Variants in ABAT observed in about 807,000 individuals in gnomAD.
ABAT encodes 4-aminobutyrate aminotransferase.
ABAT carries 45 observed loss-of-function variants against 64.6 expected under a neutral mutation model. The observed-to-expected ratio is 0.70, with a 90% CI of 0.55 to 0.89. ABAT has a LOEUF of 0.89. Ranked by LOEUF, ABAT falls within the 40% of genes least tolerant of loss-of-function variation. ABAT has a pLI of 0.00. For synonymous variants in ABAT, 297 were observed against 250.5 expected (o/e 1.19, Z -1.75); for missense variants, 633 against 658.4 (o/e 0.96, Z 0.42).
At chr16:8,676,504 G>A (rs1041697096) in intron 1 of ABAT, among the ~76,000 whole-genome samples, 7 of 152,200 alleles carry the variant, frequency 4.6e-5, no homozygotes, top group Non-Finnish European at 1.0e-4. Context: ...AAGGGGCAGA[G>A]CTGGAACTCA....
chr16:8,720,714 T>C (rs2058344640), intron 1 of ABAT: 1 of 152,278 alleles, frequency 6.6e-6, no homozygotes, highest in African/African-American at 2.4e-5. Context: ...GCTGAGTGTG[T>C]CTTTGTGTCC....
At chr16:8,771,464 CT>C (rs1207440161) in intron 11 of ABAT, among the ~76,000 whole-genome samples, 6 of 108,456 alleles carry the variant, frequency 5.5e-5, no homozygotes, top group African/African-American at 1.6e-4. Context: ...TAGGGTTTTT[CT>C]TTCTTTTTTT....
chr16:8,690,639 C>A (rs12596289), intron 1 of ABAT, among the ~76,000 whole-genome samples: 1 of 152,106 alleles, frequency 6.6e-6, no homozygotes, highest in African/African-American at 2.4e-5. Flanking sequence ...GATCTAAGAC[C>A]CTCATCTCAT....
chr16:8,762,927 C>T (rs909234242), intron 6 of ABAT, among the ~76,000 whole-genome samples: 2 of 151,812 alleles, frequency 1.3e-5, no homozygotes, highest in Admixed American at 1.3e-4. Context: ...GGCAACATGG[C>T]GAAACCCTGT....
intron 1 of ABAT, among the ~76,000 whole-genome samples, chr16:8,677,522 A>G (rs970437121): frequency 4.6e-5 from 7 of 152,196 alleles, no homozygotes; most frequent in Non-Finnish European, 7.3e-5. Flanking sequence ...ATCAGAAAAG[A>G]GACAGGTCTA....
Position 8,735,702 on chromosome 16 carries a change from G to C in ABAT, c.-38G>C. 5 of 1,566,346 alleles carry C rather than the reference G, an allele frequency of 3.2e-6. No homozygotes were observed. The highest frequency in any genetic ancestry group is 4.3e-6 in the Non-Finnish European group (5 of 1,154,822). ...CTGCATTTCTGGTTTCTTTCAGGGT[G>C]GCAGCACGCAAAGGGTGTCCCTGTC... On this transcript the variant is annotated 5_prime_UTR_variant, in exon 2 of 16. Transcript: ENST00000268251.
At chr16:8,734,516 T>C (rs1167641973) in intron 1 of ABAT, among the ~76,000 whole-genome samples, 2 of 152,162 alleles carry the variant, frequency 1.3e-5, no homozygotes, top group Non-Finnish European at 2.9e-5. Context: ...CCACTTAACC[T>C]CTCTGTGCCT....
Position 8,781,644 on chromosome 16 carries a change from T to C in ABAT, c.*214T>C, listed in dbSNP as rs1434615360. ...CTCCCTGCAGAGCCAATGGTGCACA[T>C]TGGTTTAAGCCCAGAGATCCTGCTT... On this transcript the variant is annotated 3_prime_UTR_variant, in exon 16 of 16. Coordinates refer to ENST00000268251, the MANE Select transcript of ABAT (RefSeq NM_020686.6). The surrounding 1 kb of genome is among the most constrained non-coding windows in gnomAD (Gnocchi z 4.5). 2 of 644,864 alleles carry C rather than the reference T, an allele frequency of 3.1e-6. No homozygotes were observed. Among genetic ancestry groups the C allele is most frequent in the South Asian group, 1.7e-5 (1 of 57,272 alleles). 39.9% of individuals were successfully genotyped at this position (644,864 alleles called of 1,614,324 possible). A position where few individuals can be genotyped will look rare whatever the true frequency, so the allele number is the denominator to read the frequency against.
intron 5 of ABAT, among the ~76,000 whole-genome samples, chr16:8,754,723 T>C (rs1286606764): frequency 7.1e-6 from 1 of 140,562 alleles, no homozygotes; most frequent in Non-Finnish European, 1.5e-5. Flanking sequence ...TCTTTCTTTC[T>C]TTTTTTTTTC....
intron 1 of ABAT, among the ~76,000 whole-genome samples, chr16:8,730,143 A>G (rs954314784): frequency 2.6e-5 from 4 of 152,140 alleles, no homozygotes; most frequent in African/African-American, 9.7e-5. Context: ...ATGGTTCTAC[A>G]GCACCAGCTG....
chr16:8,675,117 TCTC>T (rs2057165902), intron 1 of ABAT, among the ~76,000 whole-genome samples: 1 of 151,884 alleles, frequency 6.6e-6, no homozygotes, highest in Non-Finnish European at 1.5e-5. Context: ...ATGGGGGTCT[TCTC>T]AGCTTATAAA....
chr16:8,746,292 G>A (rs1367211306), intron 3 of ABAT, among the ~76,000 whole-genome samples, 194 bp downstream of exon 3: 4 of 152,024 alleles, frequency 2.6e-5, no homozygotes, highest in African/African-American at 9.7e-5. Flanking sequence ...GGTGGCTGAC[G>A]CTGTAATCCC....
intron 1 of ABAT, among the ~76,000 whole-genome samples, chr16:8,708,022 G>A (rs2057987239): frequency 6.6e-6 from 1 of 152,184 alleles, no homozygotes; most frequent in African/African-American, 2.4e-5. Flanking sequence ...CTGAGTAGGA[G>A]GAGAAAGCTG....
intron 5 of ABAT, among the ~76,000 whole-genome samples, chr16:8,755,865 C>T (rs565551398): frequency 2.0e-4 from 31 of 152,220 alleles, no homozygotes; most frequent in Admixed American, 1.1e-3. Context: ...CTGGGTAACA[C>T]GATGAAACCC....
rs189737353 is a variant in ABAT at position 8,758,589 on chromosome 16, G to C, written c.366+783G>C. Among the ~76,000 whole-genome samples, 201 of 152,156 alleles carry C rather than the reference G, an allele frequency of 1.3e-3. 1 individual carries two copies. The highest frequency in any genetic ancestry group is 4.6e-3 in the African/African-American group (193 of 41,518). On this transcript the variant is annotated intron_variant, in intron 6 of 15. Coordinates refer to ENST00000268251, the MANE Select transcript of ABAT (RefSeq NM_020686.6). ...CGTAGCCAGATAATTCTGTGTGGTG[G>C]GGGGCTGTCCTGTGCATTGAGACAT...
At chr16:8,757,465 G>A (rs2059680786) in intron 5 of ABAT, among the ~76,000 whole-genome samples, 1 of 152,134 alleles carries the variant, frequency 6.6e-6, no homozygotes. Context: ...ACCACACGTG[G>A]CGCATTTATC....
rs767132342 is a variant in ABAT, at chr16:8,764,092, C to T, written c.390C>T (p.Ala130=). ...AGAGCATGTTTGTCAACAGACCCGC[C>T]CTCGGAATCCTGCCTCCGGAGAACT... The part of the protein sequence containing the change: ...QNASMFVNRP[A]LGILPPENFV... The change falls in exon 7 of 16, where the codon GCC becomes GCT. Residue 130 remains alanine (A), a synonymous_variant. Transcript: ENST00000268251. The surrounding 1 kb of genome is among the most constrained non-coding windows in gnomAD (Gnocchi z 4.2). The T allele has an allele frequency of 6.2e-7, 1 of 1,613,782 alleles. No homozygotes were observed. The highest frequency in any genetic ancestry group is 1.1e-5 in the South Asian group (1 of 91,070).
chr16:8,710,703 A>AGAGG lies in ABAT; in HGVS notation c.-41-24993_-41-24992insGGAG, dbSNP rs1167243194. Among the ~76,000 whole-genome samples, 52 of 134,072 alleles carry AGAGG rather than the reference A, an allele frequency of 3.9e-4. 1 individual carries two copies. The highest frequency in any genetic ancestry group is 1.3e-3 in the African/African-American group (49 of 36,604). The allele number at this position is 134,072 out of a possible 152,430, so 88.0% of individuals were successfully genotyped here. A position where few individuals can be genotyped will look rare whatever the true frequency, so the allele number is the denominator to read the frequency against. On this transcript the variant is annotated intron_variant, in intron 1 of 15. Transcript: ENST00000268251. ...TGCACTGAGAGAGAGACAGAGAGAG[A>AGAGG]GAGAGAGAGAGAGAGAGAGAGAGAG...
intron 11 of ABAT, among the ~76,000 whole-genome samples, chr16:8,772,250 CTCTG>C (rs2060130329): frequency 2.0e-5 from 2 of 97,818 alleles, no homozygotes; most frequent in Admixed American, 1.2e-4. Flanking sequence ...TTCTCTCTGT[CTCTG>C]TGTGTGTGTG....
Sources: gnomAD v4.1 joint callset for allele counts (sites outside exome capture counted in the v4.1 genomes callset) on GRCh38, gnomAD v4.1.1 for gene constraint, Gnocchi (gnomAD v3.1) non-coding constraint, MANE v1.5 for transcripts, NCBI Gene and HGNC (gene_info 2026-07-23, HGNC 2026-07-21) for gene names.